The following HMBOX1 variants were observed in gnomAD, a reference collection of about 807,000 sequenced individuals.
HMBOX1 encodes homeobox-containing protein 1.
In HMBOX1, 14 loss-of-function variants were observed where a neutral mutation model predicts 54.5. The observed-to-expected ratio is 0.26, with a 90% confidence interval of 0.17 to 0.40. The LOEUF (loss-of-function observed/expected upper bound fraction) is 0.40, where lower values mean the gene tolerates loss of function less well. HMBOX1 is among the 10% of genes least tolerant of loss of function. HMBOX1 has a pLI of 1.00. For missense variants in HMBOX1, 332 were observed against 514.4 expected (o/e 0.65, Z 3.43); for synonymous variants, 160 against 181.0 (o/e 0.88, Z 0.93).
At chr8:28,934,888 C>T (rs1039643585) in intron 1 of HMBOX1, among the ~76,000 whole-genome samples, 3 of 148,524 alleles carry the variant, frequency 2.0e-5, no homozygotes, top group East Asian at 2.0e-4. Flanking sequence ...GATCGCGCCA[C>T]TGGACTCCAG....
At chr8:29,019,010 G>A (rs1800761731) in intron 6 of HMBOX1, 97 bp downstream of exon 6, 10 of 1,056,974 alleles carry the variant, frequency 9.5e-6, no homozygotes, top group Non-Finnish European at 1.4e-5. Flanking sequence ...CAAGTAACTT[G>A]GTATCTTGGT....
intron 6 of HMBOX1, among the ~76,000 whole-genome samples, chr8:29,038,916 T>C (rs1804372895): frequency 6.6e-6 from 1 of 152,202 alleles, no homozygotes; most frequent in Non-Finnish European, 1.5e-5. Context: ...CTGTGTATTC[T>C]AGCCACACTA....
chr8:29,017,514 G>A (rs1835208901), intron 5 of HMBOX1, among the ~76,000 whole-genome samples: 1 of 152,186 alleles, frequency 6.6e-6, no homozygotes, highest in Non-Finnish European at 1.5e-5. Flanking sequence ...AATAAAAATT[G>A]ATCTGATACT....
chr8:28,976,634 T>G (rs1341474588), intron 3 of HMBOX1, among the ~76,000 whole-genome samples: 1 of 152,178 alleles, frequency 6.6e-6, no homozygotes, highest in Non-Finnish European at 1.5e-5. Context: ...CTTTTAAGTC[T>G]TTTGTTTTGC....
chr8:29,014,844 A>G (rs1834763255), intron 5 of HMBOX1, among the ~76,000 whole-genome samples: 1 of 151,842 alleles, frequency 6.6e-6, no homozygotes, highest in East Asian at 1.9e-4. Flanking sequence ...CACACCCAGC[A>G]AATTTTTGTA....
chr8:29,010,008 GCT>G (rs1834021835), intron 5 of HMBOX1: 1 of 984,166 alleles, frequency 1.0e-6, no homozygotes. Flanking sequence ...AATAGCATTG[GCT>G]CTGAGGTAGA....
chr8:28,925,427 T>TA (rs1478089074), intron 1 of HMBOX1, among the ~76,000 whole-genome samples: 2 of 152,240 alleles, frequency 1.3e-5, no homozygotes, highest in Non-Finnish European at 2.9e-5. Context: ...GCCATGTAGT[T>TA]ATTGTTTAAT....
At chr8:29,016,439 A>G (rs1835015635) in intron 5 of HMBOX1, among the ~76,000 whole-genome samples, 1 of 152,334 alleles carries the variant, frequency 6.6e-6, no homozygotes, top group African/African-American at 2.4e-5. Context: ...GTATTGGGGG[A>G]TAAAGGGAAA....
intron 6 of HMBOX1, among the ~76,000 whole-genome samples, chr8:29,042,312 A>G (rs1804953457): frequency 6.6e-6 from 1 of 152,348 alleles, no homozygotes; most frequent in Non-Finnish European, 1.5e-5. Context: ...AGGAGAATGC[A>G]TGCATCTTCC....
At chr8:28,936,874 A>T (rs79034907) in intron 1 of HMBOX1, among the ~76,000 whole-genome samples, 2,812 of 149,068 alleles carry the variant, frequency 0.019, 82 homozygotes, top group African/African-American at 0.065. Flanking sequence ...AAGAAAGATT[A>T]AAAAAAAAAT....
At chr8:28,894,249 C>T (rs1279297739) in intron 1 of HMBOX1, among the ~76,000 whole-genome samples, 6 of 152,024 alleles carry the variant, frequency 3.9e-5, no homozygotes, top group Admixed American at 6.6e-5. Flanking sequence ...GTCTAGAGTG[C>T]CATATATGTA....
intron 6 of HMBOX1, among the ~76,000 whole-genome samples, chr8:29,025,921 C>T (rs1047485189): frequency 1.1e-4 from 16 of 151,904 alleles, no homozygotes; most frequent in African/African-American, 3.4e-4. Flanking sequence ...TTCACACTTT[C>T]TTCTCTCTGT....
chr8:28,911,101 A>G (rs1455487772), intron 1 of HMBOX1, among the ~76,000 whole-genome samples: 1 of 152,198 alleles, frequency 6.6e-6, no homozygotes, highest in Non-Finnish European at 1.5e-5. Context: ...CTTTTACTGT[A>G]ATTCCTTAAG....
intron 4 of HMBOX1, among the ~76,000 whole-genome samples, chr8:28,988,626 G>T (rs762121704): frequency 1.1e-3 from 164 of 152,276 alleles, no homozygotes; most frequent in Non-Finnish European, 2.0e-3. Context: ...AGTCATTCTA[G>T]TGCAGTTATA....
chr8:28,920,753 A>G (rs1817411323), intron 1 of HMBOX1, among the ~76,000 whole-genome samples: 1 of 152,206 alleles, frequency 6.6e-6, no homozygotes, highest in Non-Finnish European at 1.5e-5. Context: ...TTGATTTTTT[A>G]GAGGAGAGTG....
Position 29,047,440 on chromosome 8 carries a change from G to A in HMBOX1, c.1017G>A (p.Arg339=), listed in dbSNP as rs758603804. The change falls in exon 8 of 10, where the codon AGG becomes AGA. Residue 339 remains arginine (R), a synonymous_variant. Coordinates refer to ENST00000287701, the MANE Select transcript of HMBOX1 (RefSeq NM_001135726.3). ...WFANRRKEIK[R]RANIEAAILE... ...CTAACAGAAGGAAGGAGATCAAGAG[G>A]AGAGCCAATATTGGTAATGTATCAG... 1 of 1,574,128 alleles carries A rather than the reference G, an allele frequency of 6.4e-7. No homozygotes were observed. Among genetic ancestry groups the A allele is most frequent in the East Asian group, 2.2e-5 (1 of 44,704 alleles).
At chr8:28,897,452 GGA>G (rs1490616626) in intron 1 of HMBOX1, among the ~76,000 whole-genome samples, 1 of 152,142 alleles carries the variant, frequency 6.6e-6, no homozygotes, top group Non-Finnish European at 1.5e-5. Context: ...CAAGGCAGAT[GGA>G]TCATGAGGTC....
intron 4 of HMBOX1, among the ~76,000 whole-genome samples, chr8:29,000,165 A>T (rs186187577): frequency 8.5e-4 from 129 of 152,332 alleles, no homozygotes; most frequent in African/African-American, 2.9e-3. Context: ...ATTATTAGGT[A>T]AAAATTTCCT....
chr8:29,000,699 A>G (rs1433296356), intron 4 of HMBOX1, among the ~76,000 whole-genome samples: 1 of 152,258 alleles, frequency 6.6e-6, no homozygotes, highest in African/African-American at 2.4e-5. Flanking sequence ...CAGGTCAAAT[A>G]ATGACAGTTC....
Sources: gnomAD v4.1 joint callset for allele counts (sites outside exome capture counted in the v4.1 genomes callset) on GRCh38, gnomAD v4.1.1 for gene constraint, MANE v1.5 for transcripts, NCBI Gene and HGNC (gene_info 2026-07-23, HGNC 2026-07-21) for gene names.